ITPRID2: variants seen among roughly 807,000 people sequenced by gnomAD.
The protein encoded by ITPRID2 is protein ITPRID2.
A neutral mutation model predicts 124.3 loss-of-function variants in ITPRID2; 60 were observed. The ratio of observed to expected loss-of-function variants is 0.48; its 90% CI spans 0.39 to 0.60. The LOEUF is 0.60. Among genes scored for constraint, ITPRID2 ranks in the 20% least tolerant of loss-of-function variants. The pLI is 0.00. For missense variants in ITPRID2, 1,553 were observed against 1,512.2 expected, an observed-to-expected ratio of 1.03 and a Z score of -0.45; for synonymous variants, 521 against 542.9, an observed-to-expected ratio of 0.96 and a Z score of 0.56.
In ITPRID2 at chr2:181,891,960, C is replaced by G; in HGVS notation, c.-107C>G. On this transcript the variant is annotated 5_prime_UTR_variant, in exon 1 of 18. Transcript: ENST00000431877. The stretch of plus-strand genomic sequence containing the variant: ...CCTCCTCCGGCGCCCGCTTCAGCTC[C>G]CCGGGGCCCCCTGCCCGGCCGGGCG... The G allele has an allele frequency of 1.8e-6, 2 of 1,113,872 alleles. No individual in the cohort carries two copies. The highest frequency in any genetic ancestry group is 2.8e-5 in the East Asian group (1 of 36,062). 69.0% of individuals were successfully genotyped at this position (1,113,872 alleles called of 1,614,324 possible).
Position 181,900,051 on chromosome 2 carries a change from A to T in ITPRID2, c.504-645A>T, listed in dbSNP as rs371695393. On this transcript the variant is annotated intron_variant, in intron 6 of 17. Coordinates refer to ENST00000431877, the MANE Select transcript of ITPRID2 (RefSeq NM_001130445.3). ...CTTCAGTGAGTCTTAGAAAGCTTGG[A>T]TTATCACTGGTATGAGAGAGAAGGG... Among the ~76,000 whole-genome samples the T allele has an allele frequency of 2.6e-4, 39 of 152,316 alleles. No homozygotes were observed. In the East Asian group the frequency reaches 7.3e-3, roughly 29 times the overall value.
Position 181,896,984 on chromosome 2 carries a change from C to T in ITPRID2, c.364+20C>T, listed in dbSNP as rs1407743213. The T allele has an allele frequency of 1.5e-5, 24 of 1,605,284 alleles. No homozygotes were observed. Among genetic ancestry groups the T allele is most frequent in the Non-Finnish European group, 2.0e-5 (24 of 1,172,804 alleles). ...CTGAAGGTATGTTTGTTTGGAAGAA[C>T]TGTATTTTTGTGTAGTTTTCAAATT... On this transcript the variant is annotated intron_variant, in intron 4 of 17. Transcript: ENST00000431877. This position sits in a 1 kb window ranked among gnomAD's most constrained non-coding sequence, Gnocchi z 4.3.
At position 181,919,433 on chromosome 2, in the gene ITPRID2, C is replaced by T. The variant is rs1694323424; in HGVS notation, c.3131C>T (p.Ser1044Phe). The T allele has an allele frequency of 1.3e-6, 2 of 1,593,718 alleles. No homozygotes were observed. The highest frequency in any genetic ancestry group is 2.7e-5 in the African/African-American group (2 of 74,146). Residue 1044 changes from serine to phenylalanine, a missense_variant, in exon 14 of 18, where the codon TCC (serine) becomes TTC (phenylalanine). Ser to Phe is a radical substitution (Grantham distance 155). Transcript: ENST00000431877. The surrounding 1 kb of genome is among the most constrained non-coding windows in gnomAD (Gnocchi z 4.2). The stretch of plus-strand genomic sequence containing the variant: ...GTGCGCATGCCTTCACCCTTCCGCT[C>T]CTCCGCACTCATGGTACGCTACCTG... ...RAVRMPSPFR[S>F]SALMGMCGSR...
At chr2:181,911,438 G>A (rs1693596360) in intron 9 of ITPRID2, among the ~76,000 whole-genome samples, 2 of 152,168 alleles carry the variant, frequency 1.3e-5, no homozygotes, top group Non-Finnish European at 2.9e-5. Flanking sequence ...TTAGCATTCG[G>A]TAGTTATGTT....
At chr2:181,897,729 T>G (rs1442765105) in intron 4 of ITPRID2, among the ~76,000 whole-genome samples, 1 of 152,000 alleles carries the variant, frequency 6.6e-6, no homozygotes, top group African/African-American at 2.4e-5. Context: ...TTAAAAAGTC[T>G]TTAAAGCTTA....
chr2:181,901,696 T>C, intron 7 of ITPRID2, 70 bp from the exon 8 acceptor site: 3 of 1,079,716 alleles, frequency 2.8e-6, no homozygotes, highest in Non-Finnish European at 3.7e-6. Flanking sequence ...TAAACAATAA[T>C]ATGCATTTAA....
chr2:181,899,347 A>T (rs1318258283), intron 6 of ITPRID2, among the ~76,000 whole-genome samples: 2 of 152,184 alleles, frequency 1.3e-5, no homozygotes, highest in Non-Finnish European at 2.9e-5. Context: ...TGGAACCCAT[A>T]AATGAGTATT....
intron 16 of ITPRID2, among the ~76,000 whole-genome samples, chr2:181,925,259 C>T (rs1480207958): frequency 6.6e-6 from 1 of 152,204 alleles, no homozygotes; most frequent in Non-Finnish European, 1.5e-5. Context: ...TTCCCACATA[C>T]TTCAGACTTG....
Position 181,919,656 on chromosome 2 carries a change from T to C in ITPRID2, c.3144+210T>C, listed in dbSNP as rs559133431. Among the ~76,000 whole-genome samples, 30 of 152,336 alleles carry C rather than the reference T, an allele frequency of 2.0e-4. No homozygotes were observed. Among genetic ancestry groups the C allele is most frequent in the Non-Finnish European group, 4.0e-4 (27 of 68,018 alleles). On this transcript the variant is annotated intron_variant, in intron 14 of 17. Transcript: ENST00000431877. This position sits in a 1 kb window ranked among gnomAD's most constrained non-coding sequence, Gnocchi z 4.2. ...ATATTTAGAAATATGTTGAAAATTT[T>C]TAATGATAAATTTTAATAACAGGAA...
chr2:181,916,288 C>T lies in ITPRID2; in HGVS notation c.2648C>T (p.Ser883Phe), dbSNP rs1472501115. The change falls in exon 11 of 18, where the codon TCC becomes TTC. Residue 883 changes from serine to phenylalanine, a missense_variant. By Grantham distance (155) the Ser-to-Phe change is radical. Transcript: ENST00000431877. Reference protein sequence around the residue: ...ISGATCSAFASPFGCPYSHRH... With the variant: ...ISGATCSAFAFPFGCPYSHRH... Reference sequence around the variant, plus strand: ...GGGGCTACTTGTAGTGCCTTCGCTTCCCCTTTCGGGTGTCCTTACTCACAT... The same window carrying T: ...GGGGCTACTTGTAGTGCCTTCGCTTTCCCTTTCGGGTGTCCTTACTCACAT... 1.2e-6 allele frequency: 2 copies of T among 1,614,234 alleles called. No individual in the cohort carries two copies. The highest frequency in any genetic ancestry group is 1.3e-5 in the African/African-American group (1 of 75,062).
chr2:181,898,503 A>C (rs1228005457), intron 4 of ITPRID2, among the ~76,000 whole-genome samples: 5 of 152,058 alleles, frequency 3.3e-5, no homozygotes, highest in Admixed American at 3.3e-4. Context: ...TTTCCTCTTA[A>C]GATATTATTC....
chr2:181,923,622 A>G (rs773127527), intron 16 of ITPRID2, among the ~76,000 whole-genome samples: 1 of 152,162 alleles, frequency 6.6e-6, no homozygotes, highest in Non-Finnish European at 1.5e-5. Context: ...GAGTGAAATT[A>G]TGTAATTATT....
In ITPRID2 at chr2:181,892,272, G is replaced by T. The variant is rs560220325; in HGVS notation, c.206G>T (p.Gly69Val). 6.5e-7 allele frequency: 1 copy of T among 1,547,102 alleles called. No homozygotes were observed. The highest frequency in any genetic ancestry group is 8.7e-7 in the Non-Finnish European group (1 of 1,145,654). Residue 69 changes from glycine to valine, a missense_variant, in exon 1 of 18, where the codon GGA (glycine) becomes GTA (valine). Coordinates refer to ENST00000431877, the MANE Select transcript of ITPRID2 (RefSeq NM_001130445.3). The surrounding 1 kb of genome is among the most constrained non-coding windows in gnomAD (Gnocchi z 5.2). ...GGCGCGCAGCTGCCGGCAGCGGGGGGAAGAGGTCGGTGCTCCCGGCCGGGC... is the reference window on the plus strand; with the variant it reads ...GGCGCGCAGCTGCCGGCAGCGGGGGTAAGAGGTCGGTGCTCCCGGCCGGGC... ...LPGAQLPAAGGRGNVPNEKIA... is the reference protein window; with the variant it reads ...LPGAQLPAAGVRGNVPNEKIA...
chr2:181,916,396 A>G lies in ITPRID2; in HGVS notation c.2756A>G (p.Asp919Gly), dbSNP rs745344755. The change falls in exon 11 of 18, where the codon GAT becomes GGT. Residue 919 changes from aspartate (D) to glycine (G), a missense_variant. Transcript: ENST00000431877. ...IEMQLRRVLH[D>G]IRNSLQNLSQ... ...ATGCAGTTGCGAAGAGTATTACATG[A>G]TATTAGAAACTCACTGCAGAATCTT... is the stretch of plus-strand genomic sequence containing the variant. 3.7e-6 allele frequency: 6 copies of G among 1,613,780 alleles called. No homozygotes were observed. The South Asian group carries it at 5.5e-5, about 15-fold the overall frequency.
Position 181,892,059 on chromosome 2 carries a change from G to T in ITPRID2, c.-8G>T. ...TCCGGCTGGGGTAGCGGAGCCCCCAGTGCGGCCATGGACCGGCCCCTGTCG... is the reference window on the plus strand; with the variant it reads ...TCCGGCTGGGGTAGCGGAGCCCCCATTGCGGCCATGGACCGGCCCCTGTCG... On this transcript the variant is annotated 5_prime_UTR_variant, in exon 1 of 18. Coordinates refer to ENST00000431877, the MANE Select transcript of ITPRID2 (RefSeq NM_001130445.3). The surrounding 1 kb of genome is among the most constrained non-coding windows in gnomAD (Gnocchi z 5.2). 1.3e-6 allele frequency: 2 copies of T among 1,548,822 alleles called. No homozygotes were observed. Among genetic ancestry groups the T allele is most frequent in the Non-Finnish European group, 1.7e-6 (2 of 1,147,118 alleles).
At chr2:181,906,088 T>C (rs1693087676) in intron 8 of ITPRID2, among the ~76,000 whole-genome samples, 2 of 152,248 alleles carry the variant, frequency 1.3e-5, no homozygotes, top group South Asian at 4.1e-4. Context: ...CTCGATAGTA[T>C]TTGTTTAAGA....
Position 181,892,103 on chromosome 2 carries a change from G to A in ITPRID2, c.37G>A (p.Glu13Lys), listed in dbSNP as rs1218012087. ...CCTGTCGTCGTCGGCGGAGGCGGAG[G>A]AGGAACTGGAGTGGCAAGTGGCGAG... Reference protein sequence around the residue: ...RPLSSSAEAEEELEWQVASRR... With the variant: ...RPLSSSAEAEKELEWQVASRR... The change falls in exon 1 of 18, where the codon GAG (glutamate) becomes AAG (lysine). Residue 13 changes from glutamate (E) to lysine (K), a missense_variant. Physicochemically the swap from Glu to Lys is moderately conservative, Grantham distance 56 (BLOSUM62 1). Coordinates refer to ENST00000431877, the MANE Select transcript of ITPRID2 (RefSeq NM_001130445.3). The surrounding 1 kb of genome is among the most constrained non-coding windows in gnomAD (Gnocchi z 5.2). The A allele has an allele frequency of 5.1e-6, 8 of 1,557,724 alleles. No individual in the cohort carries two copies. The highest frequency in any genetic ancestry group is 8.7e-7 in the Non-Finnish European group (1 of 1,151,740).
rs565175813 is a variant in ITPRID2, at chr2:181,920,473, G to C, written c.3145-124G>C. On this transcript the variant is annotated intron_variant, in intron 14 of 17. Transcript: ENST00000431877. ...AAGGGATGCTTCCAGGCACTAATTA[G>C]CCAATTAATTTTATTATAAAAGTCT... The C allele has an allele frequency of 3.4e-4, 212 of 618,234 alleles. 1 individual carries two copies. In the South Asian group the frequency reaches 3.7e-3, roughly 11 times the overall value. The allele number at this position is 618,234 out of a possible 1,614,324, so 38.3% of individuals were successfully genotyped here.
chr2:181,920,567 T>C (rs1314567715), intron 14 of ITPRID2, 30 bp from the exon 15 acceptor site: 3 of 1,543,304 alleles, frequency 1.9e-6, no homozygotes, highest in Non-Finnish European at 2.7e-6. Context: ...CACACACATA[T>C]ACATATATAT....
Sources: gnomAD v4.1 joint callset for allele counts (sites outside exome capture counted in the v4.1 genomes callset) on GRCh38, gnomAD v4.1.1 for gene constraint, Gnocchi (gnomAD v3.1) non-coding constraint, MANE v1.5 for transcripts, NCBI Gene and HGNC (gene_info 2026-07-23, HGNC 2026-07-21) for gene names.